The following MRTFA variants were observed in gnomAD, a reference collection of about 807,000 sequenced individuals.
The protein encoded by MRTFA is myocardin-related transcription factor A.
MRTFA carries 20 observed loss-of-function variants against 83.5 expected under a neutral mutation model. The observed-to-expected ratio is 0.24, with a 90% CI of 0.17 to 0.35. MRTFA has a LOEUF of 0.35. Ranked by LOEUF, MRTFA falls within the 10% of genes least tolerant of loss-of-function variation. The probability of loss-of-function intolerance (pLI) is 1.00; values close to 1 mark genes in which losing one functional copy is unlikely to be tolerated. For synonymous variants in MRTFA, 659 were observed against 541.2 expected, an observed-to-expected ratio of 1.22 and a Z score of -3.02; for missense variants, 1,200 against 1,224.7, an observed-to-expected ratio of 0.98 and a Z score of 0.30.
chr22:40,458,634 A>C (rs2053638170), intron 4 of MRTFA, among the ~76,000 whole-genome samples: 2 of 152,136 alleles, frequency 1.3e-5, no homozygotes, highest in South Asian at 4.1e-4. Context: ...AGGCAGCAAA[A>C]TTCAAAGGAG....
At chr22:40,447,618 C>A (rs964289793) in intron 4 of MRTFA, among the ~76,000 whole-genome samples, 1 of 152,120 alleles carries the variant, frequency 6.6e-6, no homozygotes, top group Admixed American at 6.6e-5. Context: ...ATGGTGCCTG[C>A]GAACCTTGAC....
chr22:40,468,258 C>G (rs1468927665), intron 3 of MRTFA, among the ~76,000 whole-genome samples: 3 of 152,256 alleles, frequency 2.0e-5, no homozygotes, highest in South Asian at 2.1e-4. Context: ...AAGTGGAGTT[C>G]TCAAGCCTAG....
At chr22:40,519,694 C>G in intron 3 of MRTFA, 1 of 1,018,612 alleles carries the variant, frequency 9.8e-7, no homozygotes, top group Middle Eastern at 4.0e-4. Flanking sequence ...CAATCACACC[C>G]ACTCATGGGT....
Position 40,431,032 on chromosome 22 carries a change from G to GT in MRTFA, c.439+372dup, listed in dbSNP as rs34440221. 5.1e-3 allele frequency among the ~76,000 whole-genome samples: 770 copies of GT among 152,228 alleles called. 4 individuals are homozygous for GT. Among genetic ancestry groups the GT allele is most frequent in the Non-Finnish European group, 7.2e-3 (487 of 68,024 alleles). ...CGAATGAATGAATATAAAAAACTAA[G>GT]TAAGTGTATTTTAAAAACAGATTTT... is the stretch of plus-strand genomic sequence containing the variant. On this transcript the variant is annotated intron_variant, in intron 6 of 14. Coordinates refer to ENST00000355630, the MANE Select transcript of MRTFA (RefSeq NM_020831.6).
At chr22:40,535,336 G>C (rs946155455) in intron 3 of MRTFA, among the ~76,000 whole-genome samples, 2 of 147,926 alleles carry the variant, frequency 1.4e-5, no homozygotes, top group African/African-American at 2.5e-5. Flanking sequence ...TTTGCTGTGT[G>C]AGAGGTTTTT....
At chr22:40,542,890 C>T (rs1183032452) in intron 3 of MRTFA, among the ~76,000 whole-genome samples, 1 of 152,178 alleles carries the variant, frequency 6.6e-6, no homozygotes, top group Non-Finnish European at 1.5e-5. Context: ...AAACCATATA[C>T]TAACAGTGAT....
chr22:40,587,437 A>G, intron 2 of MRTFA: 1 of 344,528 alleles, frequency 2.9e-6, no homozygotes, highest in Non-Finnish European at 5.6e-6. Flanking sequence ...TGCCCTTGCC[A>G]GCTCTCATTT....
chr22:40,568,922 T>C (rs2055744303), intron 2 of MRTFA, among the ~76,000 whole-genome samples: 1 of 152,176 alleles, frequency 6.6e-6, no homozygotes, highest in African/African-American at 2.4e-5. Flanking sequence ...ATGGGTAGCC[T>C]ATTTAAAATA....
rs1261744978 is a variant in MRTFA, at chr22:40,431,462, G to A, written c.382C>T (p.Arg128Trp). Residue 128 changes from arginine (R) to tryptophan (W), a missense_variant, in exon 6 of 15, where the codon CGG becomes TGG. Physicochemically the swap from Arg to Trp is moderately radical, Grantham distance 101 (BLOSUM62 -3). This residue lies in a region of MRTFA where 93 missense variants were observed against 182.9 expected (regional missense o/e 0.51). Coordinates refer to ENST00000355630, the MANE Select transcript of MRTFA (RefSeq NM_020831.6). ...CTCTCCGGCCGGGAACGAATCTTCC[G>A]TTTGAGATAGTCCTCTGTCTACAGA... 2.5e-6 allele frequency: 4 copies of A among 1,613,866 alleles called. No homozygotes were observed. Among genetic ancestry groups the A allele is most frequent in the African/African-American group, 1.3e-5 (1 of 74,914 alleles).
chr22:40,629,775 CAAAAAAAAAAAA>C (rs766356425), intron 1 of MRTFA, among the ~76,000 whole-genome samples: 2 of 40,342 alleles, frequency 5.0e-5, no homozygotes, highest in African/African-American at 9.2e-5. Context: ...GATTCCATCT[CAAAAAAAAAAAA>C]AAAAAAAAAA....
intron 3 of MRTFA, among the ~76,000 whole-genome samples, chr22:40,493,392 TA>T (rs1250365074): frequency 1.3e-5 from 2 of 152,126 alleles, no homozygotes; most frequent in Non-Finnish European, 1.5e-5. Flanking sequence ...GGAAACTAGA[TA>T]AAGTATAAGA....
At chr22:40,516,422 GAAAAAA>G (rs56745896) in intron 3 of MRTFA, among the ~76,000 whole-genome samples, 14 of 47,024 alleles carry the variant, frequency 3.0e-4, no homozygotes, top group Admixed American at 6.0e-4. Context: ...ACTGCCTCAA[GAAAAAA>G]AAAAAAAAAA....
Position 40,566,287 on chromosome 22 carries a change from C to A in MRTFA, c.-21-13920G>T, listed in dbSNP as rs1341211320. On this transcript the variant is annotated intron_variant, in intron 2 of 14. Coordinates refer to ENST00000355630, the MANE Select transcript of MRTFA (RefSeq NM_020831.6). ...CCAGGCTGGAGTGCAGTGGCGTGAT[C>A]TCGGCTTACTGCAGCCTCCACCTCT... Among the ~76,000 whole-genome samples the A allele has an allele frequency of 4.0e-5, 6 of 149,988 alleles. No homozygotes were observed. In the Admixed American group the frequency reaches 4.0e-4, roughly 10 times the overall value.
chr22:40,419,289 T>C lies in MRTFA; in HGVS notation c.1449A>G (p.Gln483=). 2 of 1,613,848 alleles carry C rather than the reference T, an allele frequency of 1.2e-6. No individual in the cohort carries two copies. Reference sequence around the variant, plus strand: ...TGGGGGCTCCTGGCACAGGGCTGATTTGGTCTTGATAGGCTCGAAGGCGCT... The same window carrying C: ...TGGGGGCTCCTGGCACAGGGCTGATCTGGTCTTGATAGGCTCGAAGGCGCT... The change falls in exon 12 of 15, where the codon CAA becomes CAG. Residue 483 remains glutamine, a synonymous_variant. Transcript: ENST00000355630.
chr22:40,514,152 G>A (rs953184211), intron 3 of MRTFA, among the ~76,000 whole-genome samples: 3 of 151,664 alleles, frequency 2.0e-5, no homozygotes, highest in African/African-American at 4.8e-5. Flanking sequence ...CCATGTACTC[G>A]GGAGGCTGAG....
At chr22:40,475,801 A>G (rs1416043914) in intron 3 of MRTFA, among the ~76,000 whole-genome samples, 1 of 152,242 alleles carries the variant, frequency 6.6e-6, no homozygotes, top group Non-Finnish European at 1.5e-5. Context: ...GAAGTCAGAG[A>G]AAAAGAGAAA....
At chr22:40,562,423 C>G (rs2055633935) in intron 2 of MRTFA, among the ~76,000 whole-genome samples, 1 of 151,074 alleles carries the variant, frequency 6.6e-6, no homozygotes, top group Admixed American at 6.6e-5. Context: ...CCATATGGAG[C>G]AGGCAGAATA....
intron 14 of MRTFA, among the ~76,000 whole-genome samples, chr22:40,414,403 C>T (rs2052632747): frequency 6.6e-6 from 1 of 152,204 alleles, no homozygotes; most frequent in African/African-American, 2.4e-5. Flanking sequence ...ATGCCCAGAA[C>T]TGAAAGCAGG....
At chr22:40,528,950 C>T (rs891631755) in intron 3 of MRTFA, among the ~76,000 whole-genome samples, 5 of 152,008 alleles carry the variant, frequency 3.3e-5, no homozygotes, top group Non-Finnish European at 5.9e-5. Context: ...TCTTCTTCTT[C>T]CATTGTAGCC....
Sources: allele counts gnomAD v4.1 joint callset (sites outside exome capture counted in the v4.1 genomes callset), GRCh38; gene constraint gnomAD v4.1.1; regional missense constraint gnomAD v4.1.1; transcripts MANE v1.5; gene names NCBI Gene and HGNC (gene_info 2026-07-23, HGNC 2026-07-21).